LSAMP: variants seen among roughly 807,000 people sequenced by gnomAD.
LSAMP encodes limbic system-associated membrane protein.
LSAMP carries 7 observed loss-of-function variants against 38.6 expected under a neutral mutation model. The ratio of observed to expected loss-of-function variants is 0.18; its 90% CI spans 0.10 to 0.34. The LOEUF (loss-of-function observed/expected upper bound fraction) is 0.34, where lower values mean the gene tolerates loss of function less well. LSAMP is among the 10% of genes least tolerant of loss of function. The probability of loss-of-function intolerance (pLI) is 1.00; values close to 1 mark genes in which losing one functional copy is unlikely to be tolerated. For synonymous variants in LSAMP, 154 were observed against 166.8 expected (o/e 0.92, Z 0.59); for missense variants, 313 against 420.0 (o/e 0.75, Z 2.23).
intron 4 of LSAMP, among the ~76,000 whole-genome samples, chr3:115,842,878 C>G (rs527814848): frequency 8.5e-5 from 13 of 152,288 alleles, no homozygotes; most frequent in African/African-American, 3.1e-4. Flanking sequence ...CATGGTATTA[C>G]AATTACAGAT....
intron 1 of LSAMP, among the ~76,000 whole-genome samples, chr3:116,135,498 A>G (rs193190302): frequency 5.3e-5 from 8 of 152,286 alleles, no homozygotes; most frequent in African/African-American, 1.9e-4. Context: ...TTCCTGACCC[A>G]GTGAAAGACA....
At chr3:116,311,379 C>CT (rs1252084977) in intron 1 of LSAMP, among the ~76,000 whole-genome samples, 1 of 151,924 alleles carries the variant, frequency 6.6e-6, no homozygotes, top group African/African-American at 2.4e-5. Flanking sequence ...TAGTCTCATC[C>CT]AAGAGTTCTT....
At chr3:116,427,760 T>C (rs1392447128) in intron 1 of LSAMP, among the ~76,000 whole-genome samples, 1 of 152,138 alleles carries the variant, frequency 6.6e-6, no homozygotes, top group Admixed American at 6.5e-5. Context: ...ATTTATTTAA[T>C]CCTCATAGAA....
chr3:115,969,909 C>T (rs1004094874), intron 3 of LSAMP, among the ~76,000 whole-genome samples: 1 of 152,126 alleles, frequency 6.6e-6, no homozygotes, highest in Non-Finnish European at 1.5e-5. Context: ...ACTGTCACCC[C>T]TTCAGTGACA....
At chr3:116,373,872 T>G (rs1185045660) in intron 1 of LSAMP, among the ~76,000 whole-genome samples, 1 of 151,874 alleles carries the variant, frequency 6.6e-6, no homozygotes, top group African/African-American at 2.4e-5. Flanking sequence ...GCTGTTGACT[T>G]TAGAGTTAGT....
intron 1 of LSAMP, among the ~76,000 whole-genome samples, chr3:116,369,597 A>G (rs1435142877): frequency 6.6e-6 from 1 of 152,166 alleles, no homozygotes; most frequent in Non-Finnish European, 1.5e-5. Context: ...GTCAACGGAG[A>G]AACAGGAAGT....
chr3:116,163,778 A>T (rs1709961321), intron 1 of LSAMP, among the ~76,000 whole-genome samples: 1 of 152,168 alleles, frequency 6.6e-6, no homozygotes, highest in East Asian at 1.9e-4. Flanking sequence ...AGACTCTTCT[A>T]ATTTTAAAAT....
At chr3:116,423,071 A>T (rs543988444) in intron 1 of LSAMP, among the ~76,000 whole-genome samples, 1 of 152,338 alleles carries the variant, frequency 6.6e-6, no homozygotes, top group South Asian at 2.1e-4. Flanking sequence ...GCACAAAGAC[A>T]TGGTTAACAG....
chr3:116,180,688 T>C (rs984211490), intron 1 of LSAMP, among the ~76,000 whole-genome samples: 1 of 152,198 alleles, frequency 6.6e-6, no homozygotes, highest in East Asian at 1.9e-4. Flanking sequence ...ACAAAAGTTA[T>C]GCTTTCTTTA....
chr3:116,397,578 A>C (rs549193820), intron 1 of LSAMP, among the ~76,000 whole-genome samples: 36 of 152,228 alleles, frequency 2.4e-4, no homozygotes, highest in Non-Finnish European at 4.6e-4. Flanking sequence ...TTTGTTCATT[A>C]CTTTAGTGCC....
chr3:115,891,412 T>C (rs1265932415), intron 3 of LSAMP, among the ~76,000 whole-genome samples: 1 of 151,986 alleles, frequency 6.6e-6, no homozygotes, highest in African/African-American at 2.4e-5. Flanking sequence ...TGATGAAAGA[T>C]AAAGGACATG....
chr3:116,075,115 G>T (rs1167401619), intron 2 of LSAMP, among the ~76,000 whole-genome samples: 1 of 148,026 alleles, frequency 6.8e-6, no homozygotes. Flanking sequence ...TGGGATTACA[G>T]GTATGAGTCA....
chr3:116,009,667 A>G (rs1441436730), intron 3 of LSAMP, among the ~76,000 whole-genome samples: 1 of 152,154 alleles, frequency 6.6e-6, no homozygotes, highest in East Asian at 1.9e-4. Context: ...CACCACCAGA[A>G]GGGTTTTATA....
chr3:115,872,522 G>T (rs1257226289), intron 3 of LSAMP, among the ~76,000 whole-genome samples: 1 of 152,050 alleles, frequency 6.6e-6, no homozygotes, highest in Non-Finnish European at 1.5e-5. Context: ...AAGAGGAGGG[G>T]TATGAATGCC....
intron 1 of LSAMP, among the ~76,000 whole-genome samples, chr3:116,141,492 C>G (rs779509859): frequency 9.9e-4 from 150 of 151,832 alleles, no homozygotes; most frequent in African/African-American, 3.1e-3. Flanking sequence ...TTATACTCTG[C>G]GATTTTCGTT....
At chr3:115,931,653 A>G (rs560559662) in intron 3 of LSAMP, among the ~76,000 whole-genome samples, 1 of 152,332 alleles carries the variant, frequency 6.6e-6, no homozygotes, top group African/African-American at 2.4e-5. Flanking sequence ...AATTGATTTC[A>G]GGAAAGATGC....
intron 3 of LSAMP, among the ~76,000 whole-genome samples, chr3:115,853,908 T>TC (rs1334140151): frequency 6.6e-6 from 1 of 152,210 alleles, no homozygotes; most frequent in Admixed American, 6.5e-5. Flanking sequence ...TAAGCTGTTT[T>TC]CCTTTTTTTG....
At chr3:115,972,882 A>G (rs1161390068) in intron 3 of LSAMP, among the ~76,000 whole-genome samples, 1 of 148,922 alleles carries the variant, frequency 6.7e-6, no homozygotes, top group African/African-American at 2.4e-5. Flanking sequence ...TTTATATATT[A>G]TATATTATGT....
At chr3:116,072,740 G>T (rs998979228) in intron 2 of LSAMP, among the ~76,000 whole-genome samples, 1 of 146,550 alleles carries the variant, frequency 6.8e-6, no homozygotes, top group African/African-American at 2.5e-5. Flanking sequence ...CTTTTTGAAG[G>T]GGTTGTTTGT....
Sources: gnomAD v4.1 joint callset for allele counts (sites outside exome capture counted in the v4.1 genomes callset) on GRCh38, gnomAD v4.1.1 for gene constraint, MANE v1.5 for transcripts, NCBI Gene and HGNC (gene_info 2026-07-23, HGNC 2026-07-21) for gene names.